The following RBPMS variants were observed in gnomAD, a reference collection of about 807,000 sequenced individuals.
RBPMS encodes RNA-binding protein with multiple splicing.
RBPMS carries 7 observed loss-of-function variants against 26.8 expected under a neutral mutation model. The ratio of observed to expected loss-of-function variants is 0.26; its 90% CI spans 0.15 to 0.49. The LOEUF (loss-of-function observed/expected upper bound fraction) is 0.49. RBPMS is among the 20% of genes least tolerant of loss of function. RBPMS has a pLI of 0.98. For synonymous variants in RBPMS, 96 were observed against 93.3 expected, an observed-to-expected ratio of 1.03 and a Z score of -0.17; for missense variants, 186 against 250.0, an observed-to-expected ratio of 0.74 and a Z score of 1.73.
At chr8:30,531,059 G>A (rs1585784027) in intron 5 of RBPMS, among the ~76,000 whole-genome samples, 1 of 151,104 alleles carries the variant, frequency 6.6e-6, no homozygotes, top group Non-Finnish European at 1.5e-5. Context: ...TACTATTTTC[G>A]GTGGCTATAA....
chr8:30,490,239 G>A (rs1819242884), intron 4 of RBPMS, among the ~76,000 whole-genome samples: 1 of 152,116 alleles, frequency 6.6e-6, no homozygotes, highest in South Asian at 2.1e-4. Context: ...GCTCATCAGG[G>A]AAACACAGTT....
chr8:30,422,381 T>C (rs946428148), intron 1 of RBPMS, among the ~76,000 whole-genome samples: 2 of 152,130 alleles, frequency 1.3e-5, no homozygotes, highest in Admixed American at 1.3e-4. Flanking sequence ...TTCAAAGTGC[T>C]GGGGTTACAG....
chr8:30,458,340 TG>T (rs766359778), intron 1 of RBPMS, among the ~76,000 whole-genome samples: 1 of 152,246 alleles, frequency 6.6e-6, no homozygotes, highest in Non-Finnish European at 1.5e-5. Flanking sequence ...GGTACTTTTC[TG>T]AATGTTCTAC....
intron 4 of RBPMS, among the ~76,000 whole-genome samples, chr8:30,486,725 G>C (rs1175569269): frequency 6.6e-6 from 1 of 152,208 alleles, no homozygotes; most frequent in East Asian, 1.9e-4. Context: ...TGGAGAATTA[G>C]GGAGGAAGAA....
At chr8:30,410,734 G>A (rs78297200) in intron 1 of RBPMS, among the ~76,000 whole-genome samples, 2 of 80,454 alleles carry the variant, frequency 2.5e-5, no homozygotes, top group East Asian at 6.3e-4. Flanking sequence ...TTTTTTTTTT[G>A]TTTGTTTTGT....
chr8:30,504,944 G>A (rs1483149850), intron 5 of RBPMS, among the ~76,000 whole-genome samples: 2 of 152,202 alleles, frequency 1.3e-5, no homozygotes, highest in Non-Finnish European at 2.9e-5. Context: ...TATTGGAACT[G>A]TCAGTCTAGC....
chr8:30,409,031 C>T (rs1808978823), intron 1 of RBPMS, among the ~76,000 whole-genome samples: 1 of 152,030 alleles, frequency 6.6e-6, no homozygotes, highest in Non-Finnish European at 1.5e-5. Context: ...TGGTACCTTT[C>T]CCATTGTTTG....
chr8:30,562,125 G>C (rs1827543258), intron 7 of RBPMS: 4 of 739,864 alleles, frequency 5.4e-6, no homozygotes, highest in Non-Finnish European at 6.6e-6. Context: ...GATGCCAGAA[G>C]TTTGAGACCA....
chr8:30,447,460 C>T (rs1292381251), intron 1 of RBPMS, among the ~76,000 whole-genome samples: 1 of 152,134 alleles, frequency 6.6e-6, no homozygotes, highest in Non-Finnish European at 1.5e-5. Flanking sequence ...GGATACTCAT[C>T]ATTATAAACA....
intron 8 of RBPMS, among the ~76,000 whole-genome samples, chr8:30,566,717 T>G (rs1827912131): frequency 6.6e-6 from 1 of 152,216 alleles, no homozygotes; most frequent in Admixed American, 6.5e-5. Context: ...TCGCCTTTTT[T>G]GGGGGGAAAT....
chr8:30,483,665 A>G (rs1818501994), intron 4 of RBPMS, among the ~76,000 whole-genome samples: 1 of 152,020 alleles, frequency 6.6e-6, no homozygotes, highest in African/African-American at 2.4e-5. Context: ...CTTGGCATTA[A>G]TTACATTCAC....
intron 1 of RBPMS, among the ~76,000 whole-genome samples, chr8:30,465,702 G>C (rs887231960): frequency 1.3e-5 from 2 of 152,200 alleles, no homozygotes; most frequent in East Asian, 1.9e-4. Flanking sequence ...TAGGAGAATC[G>C]CTTGAACCTG....
intron 8 of RBPMS, among the ~76,000 whole-genome samples, chr8:30,569,742 C>T (rs767110765): frequency 6.6e-6 from 1 of 152,124 alleles, no homozygotes; most frequent in African/African-American, 2.4e-5. Flanking sequence ...GCCAAGAGGA[C>T]AGGAAATGAG....
Position 30,385,030 on chromosome 8 carries a change from A to T in RBPMS, c.-63A>T. 1 of 1,120,584 alleles carries T rather than the reference A, an allele frequency of 8.9e-7. No homozygotes were observed. The allele number at this position is 1,120,584 out of a possible 1,614,324, so 69.4% of individuals were successfully genotyped here. ...CGCCCGGGGAAGGCTCCAGTGGGCT[A>T]GCGCGCCCTCGCCCAGCCCCGCGCC... On this transcript the variant is annotated 5_prime_UTR_variant, in exon 1 of 9. Transcript: ENST00000397323.
intron 4 of RBPMS, among the ~76,000 whole-genome samples, chr8:30,492,397 A>G (rs7840384): frequency 0.47 from 71,546 of 151,974 alleles, 16,943 homozygotes; most frequent in Middle Eastern, 0.57. Flanking sequence ...GTAATTATGT[A>G]TAATTAGTCC....
intron 4 of RBPMS, among the ~76,000 whole-genome samples, chr8:30,486,415 T>A (rs1350071651): frequency 6.7e-6 from 1 of 149,706 alleles, no homozygotes; most frequent in African/African-American, 2.5e-5. Context: ...CCAGTGCCCC[T>A]ACTTTTTACC....
At chr8:30,446,834 T>TGC (rs1813865467) in intron 1 of RBPMS, 1 of 101,966 alleles carries the variant, frequency 9.8e-6, no homozygotes, top group African/African-American at 4.8e-5. Flanking sequence ...TGTGTGTGTG[T>TGC]GTGTGTGTGC....
intron 6 of RBPMS, chr8:30,556,102 A>G: frequency 2.0e-6 from 2 of 985,360 alleles, no homozygotes; most frequent in Non-Finnish European, 2.4e-6. Context: ...TGCGGTGAGA[A>G]GAGCCCCCCA....
chr8:30,457,758 A>T (rs931155456), intron 1 of RBPMS, among the ~76,000 whole-genome samples: 7 of 151,830 alleles, frequency 4.6e-5, no homozygotes, highest in Non-Finnish European at 7.4e-5. Context: ...GCTAATTTTT[A>T]GTAGAGACGG....
Sources: gnomAD v4.1 joint callset for allele counts (sites outside exome capture counted in the v4.1 genomes callset) on GRCh38, gnomAD v4.1.1 for gene constraint, MANE v1.5 for transcripts, NCBI Gene and HGNC (gene_info 2026-07-23, HGNC 2026-07-21) for gene names.